GGNBP2: variants seen among roughly 807,000 people sequenced by gnomAD.
GGNBP2 encodes the protein gametogenetin-binding protein 2.
A neutral mutation model predicts 85.9 loss-of-function variants in GGNBP2; 10 were observed. That is an observed-to-expected ratio of 0.12 (90% CI 0.07 to 0.20). GGNBP2 has a LOEUF of 0.20. Among genes scored for constraint, GGNBP2 ranks in the 10% least tolerant of loss-of-function variants. The probability of loss-of-function intolerance (pLI) is 1.00; values close to 1 mark genes in which losing one functional copy is unlikely to be tolerated. For synonymous variants in GGNBP2, 287 were observed against 285.7 expected (o/e 1.00, Z -0.05); for missense variants, 595 against 857.8 (o/e 0.69, Z 3.83).
intron 4 of GGNBP2, among the ~76,000 whole-genome samples, chr17:36,560,165 C>T (rs1414412579): frequency 1.3e-5 from 2 of 151,960 alleles, no homozygotes; most frequent in South Asian, 2.1e-4. Flanking sequence ...GCTATGTTAC[C>T]CAGGCTGGCT....
intron 8 of GGNBP2, among the ~76,000 whole-genome samples, chr17:36,579,966 C>T (rs750173782): frequency 1.3e-5 from 2 of 151,922 alleles, no homozygotes; most frequent in East Asian, 1.9e-4. Flanking sequence ...GCCAAGATCA[C>T]GTCACTGCAC....
At chr17:36,558,665 A>G (rs971221322) in intron 4 of GGNBP2, among the ~76,000 whole-genome samples, 2 of 151,016 alleles carry the variant, frequency 1.3e-5, no homozygotes, top group African/African-American at 4.9e-5. Context: ...TATGTTGGCC[A>G]TGTTGGTCTT....
At position 36,589,359 on chromosome 17, in the gene GGNBP2, A is replaced by G. The variant is rs779756111; in HGVS notation, c.2042A>G (p.Asp681Gly). The G allele has an allele frequency of 6.2e-7, 1 of 1,614,108 alleles. No individual in the cohort carries two copies. Among genetic ancestry groups the G allele is most frequent in the South Asian group, 1.1e-5 (1 of 91,086 alleles). The part of the protein sequence containing the change: ...EKFNKYCRLN[D>G]HKRPICSGWL... ...TTTAATAAATACTGCCGGTTAAATG[A>G]TCACAAGAGGCCCATTTGTAGTGGC... Residue 681 changes from aspartate (D) to glycine (G), a missense_variant, in exon 14 of 14, where the codon GAT (aspartate) becomes GGT (glycine). Around this residue, in one of 9 missense-constraint regions of GGNBP2, gnomAD observed 26 missense variants for 26.9 expected, o/e 0.97. Coordinates refer to ENST00000613102, the MANE Select transcript of GGNBP2 (RefSeq NM_024835.5).
In GGNBP2 at chr17:36,558,582, A is replaced by G. The variant is rs574042408; in HGVS notation, c.428+1246A>G. ...GCGATTCTCCTGCCTCAGCCTCCCA[A>G]GTAGCTGGGATTACAGGTGCCCACT... On this transcript the variant is annotated intron_variant, in intron 4 of 13. Coordinates refer to ENST00000613102, the MANE Select transcript of GGNBP2 (RefSeq NM_024835.5). 2.0e-3 allele frequency among the ~76,000 whole-genome samples: 310 copies of G among 151,376 alleles called. 1 individual carries two copies. The highest frequency in any genetic ancestry group is 7.1e-3 in the African/African-American group (292 of 41,350).
At chr17:36,575,869 A>T (rs1264910022) in intron 6 of GGNBP2, among the ~76,000 whole-genome samples, 1 of 148,560 alleles carries the variant, frequency 6.7e-6, no homozygotes, top group East Asian at 2.0e-4. Context: ...CTGATCTCGA[A>T]CTCCTGAGCT....
chr17:36,567,759 A>G lies in GGNBP2; in HGVS notation c.624A>G (p.Thr208=), dbSNP rs1223572071. 5 of 1,583,866 alleles carry G rather than the reference A, an allele frequency of 3.2e-6. No individual in the cohort carries two copies. The highest frequency in any genetic ancestry group is 4.5e-5 in the East Asian group (2 of 44,732). Residue 208 remains threonine (T), a synonymous_variant, in exon 6 of 14, where the codon ACA becomes ACG. Transcript: ENST00000613102. ...GTTGTCTTTTAGAAACACTAGAAAC[A>G]TATCTGCGAAAACACAGGTAAGTCT... ...DSSCLLETLE[T]YLRKHRFCTD...
intron 2 of GGNBP2, among the ~76,000 whole-genome samples, chr17:36,551,486 G>A (rs1290204695): frequency 1.3e-5 from 2 of 151,966 alleles, no homozygotes; most frequent in Admixed American, 1.3e-4. Flanking sequence ...TTACGGGCGT[G>A]AGCCACCGGC....
chr17:36,567,632 C>A, intron 5 of GGNBP2, 31 bp from the exon 6 acceptor site: 1 of 1,140,458 alleles, frequency 8.8e-7, no homozygotes, highest in Non-Finnish European at 1.3e-6. Flanking sequence ...TCTGTATTCT[C>A]CCTTTTCACT....
chr17:36,583,536 G>A (rs756904884), intron 9 of GGNBP2, among the ~76,000 whole-genome samples: 1 of 151,890 alleles, frequency 6.6e-6, no homozygotes, highest in Non-Finnish European at 1.5e-5. Flanking sequence ...TTGGTTCACC[G>A]TAACTTCCTC....
chr17:36,559,204 C>CAG (rs34349354), intron 4 of GGNBP2, among the ~76,000 whole-genome samples: 54,200 of 147,460 alleles, frequency 0.37, 10,555 homozygotes, highest in East Asian at 0.46. Flanking sequence ...GAGGCTGAGA[C>CAG]GGGAATCGCT....
At chr17:36,580,617 G>A (rs2074638708) in intron 8 of GGNBP2, among the ~76,000 whole-genome samples, 1 of 151,798 alleles carries the variant, frequency 6.6e-6, no homozygotes, top group Admixed American at 6.6e-5. Flanking sequence ...TACTTTTGTT[G>A]TGTTAAAATT....
chr17:36,571,658 T>C (rs1361976828), intron 6 of GGNBP2, among the ~76,000 whole-genome samples: 1 of 151,150 alleles, frequency 6.6e-6, no homozygotes, highest in Non-Finnish European at 1.5e-5. Flanking sequence ...TGGCTAACAC[T>C]GTGAAACCCC....
chr17:36,585,795 A>T (rs752361317), intron 10 of GGNBP2, 45 bp from the exon 11 acceptor site: 1 of 1,556,070 alleles, frequency 6.4e-7, no homozygotes. Context: ...GTCCTAATAT[A>T]CTTATTGGTA....
rs761584095 is a variant in GGNBP2 at position 36,557,269 on chromosome 17, G to T, written c.361G>T (p.Val121Phe). The T allele has an allele frequency of 2.5e-6, 4 of 1,613,934 alleles. No homozygotes were observed. In the East Asian group the frequency reaches 8.9e-5, roughly 36 times the overall value. ...ACCCCTAACAGTAGGGCCCAAGGGA[G>T]TCCTGTCTGTAACTAGAAGCTGCAT... ...LEPLTVGPKG[V>F]LSVTRSCMTD... Residue 121 changes from valine (V) to phenylalanine (F), a missense_variant, in exon 4 of 14, where the codon GTC becomes TTC. Around this residue, in one of 9 missense-constraint regions of GGNBP2, gnomAD observed 216 missense variants for 293.4 expected, o/e 0.74. Coordinates refer to ENST00000613102, the MANE Select transcript of GGNBP2 (RefSeq NM_024835.5).
chr17:36,552,649 TAAAC>T (rs1479246816), intron 2 of GGNBP2, among the ~76,000 whole-genome samples: 1 of 152,220 alleles, frequency 6.6e-6, no homozygotes, highest in East Asian at 1.9e-4. Flanking sequence ...TCAGGGTTGA[TAAAC>T]CTGAAAATTG....
chr17:36,564,068 A>T (rs76847684), intron 5 of GGNBP2, among the ~76,000 whole-genome samples: 10,911 of 152,202 alleles, frequency 0.072, 665 homozygotes, highest in African/African-American at 0.16. Context: ...TCTTTTAAAA[A>T]TTTTTTATTT....
chr17:36,556,431 C>A (rs1185053769), intron 3 of GGNBP2, among the ~76,000 whole-genome samples: 1 of 152,146 alleles, frequency 6.6e-6, no homozygotes, highest in Admixed American at 6.6e-5. Context: ...ACAGGCCAGG[C>A]GTGGTGGCTC....
chr17:36,559,443 G>A (rs1388406757), intron 4 of GGNBP2, among the ~76,000 whole-genome samples: 1 of 152,016 alleles, frequency 6.6e-6, no homozygotes, highest in Non-Finnish European at 1.5e-5. Flanking sequence ...ATTCAGAGAG[G>A]TCTGGGTTAG....
At chr17:36,577,942 G>A (rs971250948) in intron 6 of GGNBP2, 41 bp from the exon 7 acceptor site, 19 of 1,483,750 alleles carry the variant, frequency 1.3e-5, no homozygotes, top group African/African-American at 2.8e-5. Flanking sequence ...AGAAATAATT[G>A]CACAGCCATT....
Sources: allele counts gnomAD v4.1 joint callset (sites outside exome capture counted in the v4.1 genomes callset), GRCh38; gene constraint gnomAD v4.1.1; regional missense constraint gnomAD v4.1.1; transcripts MANE v1.5; gene names NCBI Gene and HGNC (gene_info 2026-07-23, HGNC 2026-07-21).